Variants in FUBP3 observed in about 807,000 individuals in gnomAD.
FUBP3 encodes the protein far upstream element-binding protein 3.
FUBP3 carries 28 observed loss-of-function variants against 85.6 expected under a neutral mutation model. The ratio of observed to expected loss-of-function variants is 0.33; its 90% CI spans 0.24 to 0.45. The LOEUF (loss-of-function observed/expected upper bound fraction) is 0.45. Ranked by LOEUF, FUBP3 falls within the 20% of genes least tolerant of loss-of-function variation. FUBP3 has a pLI of 1.00. For missense variants in FUBP3, 583 were observed against 755.1 expected (o/e 0.77, Z 2.67); for synonymous variants, 271 against 271.4 (o/e 1.00, Z 0.01).
chr9:130,579,904 A>G (rs901035259), intron 1 of FUBP3, 140 bp downstream of exon 1: 4 of 492,090 alleles, frequency 8.1e-6, no homozygotes, highest in Non-Finnish European at 9.5e-6. Flanking sequence ...TGGAGTTCCT[A>G]CAGCCGGGAG....
At chr9:130,636,358 C>G (rs1426857139) in intron 18 of FUBP3, 1 of 633,084 alleles carries the variant, frequency 1.6e-6, no homozygotes, top group Admixed American at 2.6e-5. Context: ...GGCGCAGCCC[C>G]TACAAGGAAG....
At chr9:130,628,126 A>ACACC (rs913046519) in intron 12 of FUBP3, among the ~76,000 whole-genome samples, 179 of 137,876 alleles carry the variant, frequency 1.3e-3, no homozygotes, top group Non-Finnish European at 2.0e-3. Flanking sequence ...ACACACACAC[A>ACACC]CCCCCTACCC....
intron 2 of FUBP3, among the ~76,000 whole-genome samples, chr9:130,602,457 C>T (rs1170302774): frequency 6.6e-6 from 1 of 152,136 alleles, no homozygotes; most frequent in East Asian, 1.9e-4. Context: ...AAATCCCAGA[C>T]CTCAAGGAGA....
At chr9:130,613,439 A>G (rs1284180012) in intron 5 of FUBP3, among the ~76,000 whole-genome samples, 1 of 152,214 alleles carries the variant, frequency 6.6e-6, no homozygotes, top group Admixed American at 6.5e-5. Context: ...CTTTGTGGGA[A>G]GAGGATAGCT....
rs894906133 is a variant in FUBP3, at chr9:130,612,838, A to G, written c.275-118A>G. 1.6e-5 allele frequency: 12 copies of G among 740,294 alleles called. No homozygotes were observed. The highest frequency in any genetic ancestry group is 2.6e-5 in the Non-Finnish European group (11 of 425,326). 45.9% of individuals were successfully genotyped at this position (740,294 alleles called of 1,614,324 possible). On this transcript the variant is annotated intron_variant, in intron 4 of 18. Transcript: ENST00000319725. This position sits in a 1 kb window ranked among gnomAD's most constrained non-coding sequence, Gnocchi z 4.1. ...GAGTGGAGATGGGCTCACGGGGGCCAACTCGATGTGTAGTATTGTGAGCCA... is the reference window on the plus strand; with the variant it reads ...GAGTGGAGATGGGCTCACGGGGGCCGACTCGATGTGTAGTATTGTGAGCCA...
chr9:130,610,547 AT>A (rs1437722748), intron 3 of FUBP3, among the ~76,000 whole-genome samples: 3 of 152,186 alleles, frequency 2.0e-5, no homozygotes, highest in African/African-American at 7.2e-5. Context: ...AACGTAGAAG[AT>A]TTAGAGAGAT....
chr9:130,596,979 G>A (rs1218088690), intron 2 of FUBP3, among the ~76,000 whole-genome samples: 6 of 152,050 alleles, frequency 3.9e-5, no homozygotes, highest in Non-Finnish European at 8.8e-5. Context: ...TAGTCACCCT[G>A]TTGTGCTATC....
intron 12 of FUBP3, among the ~76,000 whole-genome samples, chr9:130,628,414 A>G (rs1830079709): frequency 6.6e-6 from 1 of 152,244 alleles, no homozygotes. Context: ...TCTGCCCCCC[A>G]TCAGGTAGAA....
At chr9:130,601,266 CTG>C (rs1005689724) in intron 2 of FUBP3, among the ~76,000 whole-genome samples, 3 of 152,376 alleles carry the variant, frequency 2.0e-5, no homozygotes, top group Non-Finnish European at 4.4e-5. Flanking sequence ...CACTGTCCAA[CTG>C]CCCTAACCAC....
At chr9:130,592,348 T>TCTCA (rs1170668555) in intron 1 of FUBP3, among the ~76,000 whole-genome samples, 1 of 152,160 alleles carries the variant, frequency 6.6e-6, no homozygotes, top group Non-Finnish European at 1.5e-5. Context: ...GAGTCAAGAG[T>TCTCA]CTCACTCTGA....
chr9:130,607,610 C>T (rs144510190), intron 2 of FUBP3, among the ~76,000 whole-genome samples: 8 of 152,092 alleles, frequency 5.3e-5, no homozygotes, highest in Non-Finnish European at 1.0e-4. Context: ...CTCCTCATTG[C>T]GAAGACTGAG....
intron 10 of FUBP3, 45 bp downstream of exon 10, chr9:130,622,855 A>G: frequency 1.0e-6 from 1 of 983,866 alleles, no homozygotes; most frequent in South Asian, 1.5e-5. Flanking sequence ...AAAAAAAAAA[A>G]AATCCTTAGT....
At chr9:130,584,559 A>G (rs1438116805) in intron 1 of FUBP3, among the ~76,000 whole-genome samples, 1 of 151,380 alleles carries the variant, frequency 6.6e-6, no homozygotes, top group African/African-American at 2.4e-5. Flanking sequence ...GTGATTTTGC[A>G]TTAAAAAAAA....
chr9:130,630,003 G>A (rs974103473), intron 12 of FUBP3, among the ~76,000 whole-genome samples: 2 of 152,166 alleles, frequency 1.3e-5, no homozygotes, highest in African/African-American at 2.4e-5. Context: ...TTGTTAGCCC[G>A]GCTCCACCCA....
At chr9:130,608,417 T>C (rs1052891161) in intron 2 of FUBP3, among the ~76,000 whole-genome samples, 6 of 152,220 alleles carry the variant, frequency 3.9e-5, no homozygotes, top group Non-Finnish European at 8.8e-5. Context: ...GACATTCTCC[T>C]TTGGTGTGTT....
intron 13 of FUBP3, chr9:130,631,354 T>C (rs1588166370): frequency 7.1e-7 from 1 of 1,413,332 alleles, no homozygotes; most frequent in Non-Finnish European, 9.2e-7. Flanking sequence ...ACTGGCTGTG[T>C]GGTGGTATTG....
At chr9:130,633,114 G>C (rs1467111643) in intron 16 of FUBP3, among the ~76,000 whole-genome samples, 1 of 152,240 alleles carries the variant, frequency 6.6e-6, no homozygotes, top group African/African-American at 2.4e-5. Flanking sequence ...GGCCAGTGCT[G>C]TGTGGCCTTA....
intron 12 of FUBP3, among the ~76,000 whole-genome samples, chr9:130,629,947 G>C (rs1024905142): frequency 3.9e-5 from 6 of 152,232 alleles, no homozygotes; most frequent in Non-Finnish European, 7.3e-5. Flanking sequence ...ATTTCATTAA[G>C]AGACTGAGAC....
At chr9:130,634,568 C>T (rs918373359) in intron 16 of FUBP3, 99 bp from the exon 17 acceptor site, 9 of 890,272 alleles carry the variant, frequency 1.0e-5, no homozygotes, top group Non-Finnish European at 1.6e-5. Context: ...TGGCCAGGAG[C>T]GAGGTGGAGG....
Sources: allele counts gnomAD v4.1 joint callset (sites outside exome capture counted in the v4.1 genomes callset), GRCh38; gene constraint gnomAD v4.1.1; non-coding constraint Gnocchi (gnomAD v3.1); transcripts MANE v1.5; gene names NCBI Gene and HGNC (gene_info 2026-07-23, HGNC 2026-07-21).